BCL2: variants seen among roughly 807,000 people sequenced by gnomAD.
The protein encoded by BCL2 is apoptosis regulator Bcl-2.
In BCL2, 1 loss-of-function variant was observed where a neutral mutation model predicts 14.2. The ratio of observed to expected loss-of-function variants is 0.07; its 90% CI spans 0.02 to 0.33. The LOEUF is 0.33. Among genes scored for constraint, BCL2 ranks in the 10% least tolerant of loss-of-function variants. The pLI is 0.99. For synonymous variants in BCL2, 151 were observed against 137.2 expected (o/e 1.10, Z -0.70); for missense variants, 247 against 305.9 (o/e 0.81, Z 1.44).
intron 2 of BCL2, among the ~76,000 whole-genome samples, chr18:63,154,927 T>C (rs913390882): frequency 2.0e-5 from 3 of 152,232 alleles, no homozygotes; most frequent in African/African-American, 7.2e-5. Context: ...TCAAGGAAGA[T>C]GGATTCATTA....
chr18:63,172,364 G>A (rs911869825), intron 2 of BCL2, among the ~76,000 whole-genome samples: 1 of 152,174 alleles, frequency 6.6e-6, no homozygotes, highest in Non-Finnish European at 1.5e-5. Flanking sequence ...ACACCCTGAT[G>A]CTGCTTGGTC....
At position 63,243,852 on chromosome 18, in the gene BCL2, G is replaced by A. The variant is rs7236202; in HGVS notation, c.585+74230C>T. Among the ~76,000 whole-genome samples, 1,453 of 152,298 alleles carry A rather than the reference G, an allele frequency of 9.5e-3. 14 individuals carry two copies. Among genetic ancestry groups the A allele is most frequent in the Middle Eastern group, 0.024 (7 of 294 alleles). ...CCTAATGTCTTCTGAGGCTTCATGA[G>A]AACATTATCTGCTCCTCTCTTCTGG... On this transcript the variant is annotated intron_variant, in intron 2 of 2. Coordinates refer to ENST00000333681, the MANE Select transcript of BCL2 (RefSeq NM_000633.3).
intron 2 of BCL2, among the ~76,000 whole-genome samples, chr18:63,181,741 G>A (rs970530584): frequency 1.3e-5 from 2 of 152,130 alleles, no homozygotes; most frequent in Non-Finnish European, 2.9e-5. Flanking sequence ...ACGATTTGAC[G>A]TCTCTGTTTT....
intron 2 of BCL2, among the ~76,000 whole-genome samples, chr18:63,204,215 T>A (rs141923521): frequency 6.6e-6 from 1 of 152,364 alleles, no homozygotes; most frequent in African/African-American, 2.4e-5. Flanking sequence ...GTGTCCATCA[T>A]CAGGGGCTGG....
chr18:63,268,935 C>A (rs145731923), intron 2 of BCL2, among the ~76,000 whole-genome samples: 1 of 151,726 alleles, frequency 6.6e-6, no homozygotes, highest in Admixed American at 6.6e-5. Flanking sequence ...TATTATTATT[C>A]GGTCTTTTTT....
At chr18:63,144,146 T>C (rs970740372) in intron 2 of BCL2, among the ~76,000 whole-genome samples, 2 of 152,236 alleles carry the variant, frequency 1.3e-5, no homozygotes, top group African/African-American at 2.4e-5. Context: ...CATAGTATAA[T>C]TGGCGCTAAC....
intron 2 of BCL2, among the ~76,000 whole-genome samples, chr18:63,297,529 C>T (rs1912833033): frequency 6.6e-6 from 1 of 152,148 alleles, no homozygotes; most frequent in Non-Finnish European, 1.5e-5. Flanking sequence ...GTTATGGTGT[C>T]ACACCTTGGT....
chr18:63,180,742 G>C (rs1915463505), intron 2 of BCL2, among the ~76,000 whole-genome samples: 1 of 152,174 alleles, frequency 6.6e-6, no homozygotes, highest in African/African-American at 2.4e-5. Context: ...AACTACTAGT[G>C]ATGGGGCTCT....
intron 2 of BCL2, among the ~76,000 whole-genome samples, chr18:63,286,855 T>A (rs1321577083): frequency 6.6e-6 from 1 of 152,094 alleles, no homozygotes; most frequent in Non-Finnish European, 1.5e-5. Flanking sequence ...GATGTCATTA[T>A]CCCCATTGCA....
intron 2 of BCL2, among the ~76,000 whole-genome samples, chr18:63,157,659 C>A (rs781057014): frequency 4.6e-5 from 7 of 152,134 alleles, no homozygotes; most frequent in Non-Finnish European, 1.0e-4. Flanking sequence ...CATCAAAATA[C>A]CATGAAGAGA....
chr18:63,317,541 T>G (rs887708723), intron 2 of BCL2: 1 of 986,132 alleles, frequency 1.0e-6, no homozygotes, highest in African/African-American at 1.7e-5. Flanking sequence ...TTGGTTTTCC[T>G]CTTTTGGAAA....
intron 2 of BCL2, among the ~76,000 whole-genome samples, chr18:63,139,985 C>T (rs541601985): frequency 1.3e-5 from 2 of 152,164 alleles, no homozygotes; most frequent in Non-Finnish European, 2.9e-5. Context: ...TTAAAAAAGG[C>T]CAAAGGATTC....
At chr18:63,231,201 A>G (rs1910678391) in intron 2 of BCL2, among the ~76,000 whole-genome samples, 1 of 151,966 alleles carries the variant, frequency 6.6e-6, no homozygotes, top group African/African-American at 2.4e-5. Flanking sequence ...TCACAATTTA[A>G]AAATAAAATA....
At chr18:63,302,237 G>A (rs1599300637) in intron 2 of BCL2, 3 of 659,032 alleles carry the variant, frequency 4.6e-6, no homozygotes, top group Non-Finnish European at 5.6e-6. Context: ...GGAGGCTGAG[G>A]TTGCAGTGAG....
rs35786465 is a variant in BCL2 at position 63,247,200 on chromosome 18, ATT to A, written c.585+70880_585+70881del. Among the ~76,000 whole-genome samples, 186 of 142,988 alleles carry A rather than the reference ATT, an allele frequency of 1.3e-3. No individual in the cohort carries two copies. The East Asian group carries it at 0.018, about 14-fold the overall frequency. 93.8% of individuals were successfully genotyped at this position (142,988 alleles called of 152,430 possible). A position where few individuals can be genotyped will look rare whatever the true frequency, so the allele number is the denominator to read the frequency against. Reference sequence around the variant, plus strand: ...TTCTCATCTTTGAAGATGCAACAGGATTTTTTTTTTTTTTTTGAGACGAAGTT... The same window carrying A: ...TTCTCATCTTTGAAGATGCAACAGGATTTTTTTTTTTTTTGAGACGAAGTT... On this transcript the variant is annotated intron_variant, in intron 2 of 2. Transcript: ENST00000333681.
chr18:63,319,739 A>C lies in BCL2; in HGVS notation c.-852T>G. 1 of 203,876 alleles carries C rather than the reference A, an allele frequency of 4.9e-6. No individual in the cohort carries two copies. The highest frequency in any genetic ancestry group is 1.0e-5 in the Non-Finnish European group (1 of 99,220). 12.6% of individuals were successfully genotyped at this position (203,876 alleles called of 1,614,324 possible). ...TGGCCCGCCGGTGCCGAGCGCTAGA[A>C]GCCCGCGCTGTGTGTGGTGCGGCGA... On this transcript the variant is annotated 5_prime_UTR_variant, in exon 1 of 3. Coordinates refer to ENST00000333681, the MANE Select transcript of BCL2 (RefSeq NM_000633.3).
At chr18:63,177,522 C>T (rs1215961802) in intron 2 of BCL2, among the ~76,000 whole-genome samples, 4 of 152,204 alleles carry the variant, frequency 2.6e-5, no homozygotes, top group African/African-American at 9.7e-5. Flanking sequence ...AGCTGAGTCC[C>T]AGCATCCTCC....
At chr18:63,233,438 T>A (rs907149641) in intron 2 of BCL2, among the ~76,000 whole-genome samples, 1 of 152,188 alleles carries the variant, frequency 6.6e-6, no homozygotes, top group East Asian at 1.9e-4. Context: ...CCAACCTTTC[T>A]GGCACTGGTT....
chr18:63,148,200 T>C (rs1914562781), intron 2 of BCL2, among the ~76,000 whole-genome samples: 1 of 152,218 alleles, frequency 6.6e-6, no homozygotes, highest in Non-Finnish European at 1.5e-5. Flanking sequence ...CTTTGCCTTG[T>C]TTGGAACCAA....
Sources: gnomAD v4.1 joint callset for allele counts (sites outside exome capture counted in the v4.1 genomes callset) on GRCh38, gnomAD v4.1.1 for gene constraint, MANE v1.5 for transcripts, NCBI Gene and HGNC (gene_info 2026-07-23, HGNC 2026-07-21) for gene names.